The following EVA1C variants were observed in gnomAD, a reference collection of about 807,000 sequenced individuals.
EVA1C encodes the protein eva-1 homolog C.
In EVA1C, 25 loss-of-function variants were observed where a neutral mutation model predicts 45.4. The ratio of observed to expected loss-of-function variants is 0.55; its 90% CI spans 0.40 to 0.77. EVA1C has a LOEUF of 0.77. EVA1C is among the 30% of genes least tolerant of loss of function. The probability of loss-of-function intolerance (pLI) is 0.00; values close to 1 mark genes in which losing one functional copy is unlikely to be tolerated. For missense variants in EVA1C, 479 were observed against 554.8 expected, an observed-to-expected ratio of 0.86 and a Z score of 1.37; for synonymous variants, 190 against 221.2, an observed-to-expected ratio of 0.86 and a Z score of 1.25.
At chr21:32,428,175 C>T (rs2034563928) in intron 1 of EVA1C, among the ~76,000 whole-genome samples, 2 of 152,292 alleles carry the variant, frequency 1.3e-5, no homozygotes, top group Admixed American at 6.5e-5. Flanking sequence ...AGCGTGGAGG[C>T]GACTTTCTGC....
At chr21:32,476,510 G>A (rs940026515) in intron 4 of EVA1C, among the ~76,000 whole-genome samples, 3 of 152,012 alleles carry the variant, frequency 2.0e-5, no homozygotes, top group African/African-American at 4.8e-5. Context: ...ATGTGGTGGC[G>A]CATGCCTGCA....
At chr21:32,436,568 G>T (rs1222178442) in intron 1 of EVA1C, among the ~76,000 whole-genome samples, 1 of 152,290 alleles carries the variant, frequency 6.6e-6, no homozygotes, top group Non-Finnish European at 1.5e-5. Context: ...AGAGTTCCTT[G>T]TTTGTTCCTG....
At chr21:32,471,391 A>G (rs1441835393) in intron 4 of EVA1C, among the ~76,000 whole-genome samples, 2 of 148,130 alleles carry the variant, frequency 1.4e-5, no homozygotes, top group South Asian at 2.1e-4. Flanking sequence ...CAGTGGCACG[A>G]TCTCGGCTCA....
intron 7 of EVA1C, among the ~76,000 whole-genome samples, chr21:32,512,553 G>A (rs1009031046): frequency 1.3e-5 from 2 of 152,032 alleles, no homozygotes; most frequent in Non-Finnish European, 2.9e-5. Context: ...CCCCTCCCAC[G>A]ACACCACCAC....
At chr21:32,501,146 A>G (rs990703272) in intron 5 of EVA1C, among the ~76,000 whole-genome samples, 3 of 152,204 alleles carry the variant, frequency 2.0e-5, no homozygotes, top group African/African-American at 7.2e-5. Context: ...GTATTCTGCT[A>G]GATGGATATA....
chr21:32,502,668 T>G (rs1223472712), intron 6 of EVA1C, among the ~76,000 whole-genome samples: 1 of 152,184 alleles, frequency 6.6e-6, no homozygotes, highest in African/African-American at 2.4e-5. Flanking sequence ...AAAGCACCCC[T>G]ACTCCAAAAG....
At chr21:32,428,649 G>A (rs1568867547) in intron 1 of EVA1C, 1 of 152,132 alleles carries the variant, frequency 6.6e-6, no homozygotes, top group African/African-American at 2.4e-5. Context: ...TCCACTATTT[G>A]TCTTCATTAC....
chr21:32,465,752 C>A (rs2036149642), intron 3 of EVA1C, among the ~76,000 whole-genome samples: 1 of 152,116 alleles, frequency 6.6e-6, no homozygotes, highest in Admixed American at 6.5e-5. Context: ...CCCGCCTTGG[C>A]CTCTCAAAGT....
intron 4 of EVA1C, among the ~76,000 whole-genome samples, chr21:32,490,223 A>G (rs980415749): frequency 1.3e-5 from 2 of 150,178 alleles, no homozygotes; most frequent in Admixed American, 1.3e-4. Context: ...CCATAAAACA[A>G]CTCCCCATTG....
Position 32,515,077 on chromosome 21 carries a change from G to T in EVA1C, c.1213G>T (p.Glu405Ter). ...RTSYPIYSSI[E>*]AAELAERIER... The stretch of plus-strand genomic sequence containing the variant: ...TTCATATCCTATATACAGTTCCATA[G>T]AAGCTGCAGAGCTCGCAGAAAGGAT... Residue 405 changes from glutamate to a stop codon, truncating the protein, a stop_gained, in exon 8 of 8, where the codon GAA (glutamate) becomes TAA (stop). Coordinates refer to ENST00000300255, the MANE Select transcript of EVA1C (RefSeq NM_058187.5). LOFTEE classifies it high-confidence loss of function. 6.2e-7 allele frequency: 1 copy of T among 1,614,182 alleles called. No homozygotes were observed. Among genetic ancestry groups the T allele is most frequent in the Non-Finnish European group, 8.5e-7 (1 of 1,180,016 alleles).
intron 5 of EVA1C, among the ~76,000 whole-genome samples, chr21:32,498,464 T>C (rs1475206087): frequency 2.7e-5 from 4 of 145,660 alleles, no homozygotes; most frequent in Admixed American, 6.9e-5. Flanking sequence ...AAAAGAGACA[T>C]GGTCCTGTTT....
At chr21:32,417,823 A>T (rs954788795) in intron 1 of EVA1C, among the ~76,000 whole-genome samples, 5 of 152,200 alleles carry the variant, frequency 3.3e-5, no homozygotes, top group Non-Finnish European at 7.3e-5. Context: ...GACTAAAAAA[A>T]TATCTATGGA....
At chr21:32,470,308 G>A (rs899563031) in intron 4 of EVA1C, among the ~76,000 whole-genome samples, 3 of 152,220 alleles carry the variant, frequency 2.0e-5, no homozygotes, top group East Asian at 1.9e-4. Context: ...TCCCAAATGC[G>A]AAGCCCCGTA....
At chr21:32,419,761 A>G (rs1295829819) in intron 1 of EVA1C, among the ~76,000 whole-genome samples, 1 of 150,506 alleles carries the variant, frequency 6.6e-6, no homozygotes, top group Non-Finnish European at 1.5e-5. Flanking sequence ...ACAAAAAAAC[A>G]TACTGTCACT....
intron 1 of EVA1C, among the ~76,000 whole-genome samples, chr21:32,430,582 G>A (rs1234102922): frequency 6.6e-6 from 1 of 152,114 alleles, no homozygotes; most frequent in Non-Finnish European, 1.5e-5. Flanking sequence ...TGACTGGGGA[G>A]GCCTCATGAT....
intron 1 of EVA1C, among the ~76,000 whole-genome samples, chr21:32,426,910 C>T (rs1190039735): frequency 6.6e-6 from 1 of 152,186 alleles, no homozygotes; most frequent in African/African-American, 2.4e-5. Context: ...AGTATTTGTA[C>T]AGTTTTGTGA....
At chr21:32,445,932 T>C (rs902121178) in intron 1 of EVA1C, among the ~76,000 whole-genome samples, 17 of 152,154 alleles carry the variant, frequency 1.1e-4, no homozygotes, top group African/African-American at 3.9e-4. Context: ...CCCTGAGCGA[T>C]GTGAAGCTGA....
chr21:32,466,824 CTT>C (rs34603277), intron 3 of EVA1C, among the ~76,000 whole-genome samples: 2,041 of 145,590 alleles, frequency 0.014, 33 homozygotes, highest in Admixed American at 0.04. Context: ...ATCTTTCTTG[CTT>C]TTTTTTTTTT....
At chr21:32,513,660 C>T (rs1035047909) in intron 7 of EVA1C, among the ~76,000 whole-genome samples, 1 of 145,492 alleles carries the variant, frequency 6.9e-6, no homozygotes, top group Non-Finnish European at 1.5e-5. Flanking sequence ...CCTCAGCTTC[C>T]CTAGTAGCTA....
Sources: gnomAD v4.1 joint callset for allele counts (sites outside exome capture counted in the v4.1 genomes callset) on GRCh38, gnomAD v4.1.1 for gene constraint, MANE v1.5 for transcripts, NCBI Gene and HGNC (gene_info 2026-07-23, HGNC 2026-07-21) for gene names.